TLL2: variants seen among roughly 807,000 people sequenced by gnomAD.
TLL2 encodes the protein tolloid-like protein 2.
TLL2 carries 106 observed loss-of-function variants against 123.0 expected under a neutral mutation model. The ratio of observed to expected loss-of-function variants is 0.86; its 90% CI spans 0.74 to 1.01. TLL2 has a LOEUF of 1.01. TLL2 is among the 50% of genes least tolerant of loss of function. TLL2 has a pLI of 0.00. For synonymous variants in TLL2, 494 were observed against 516.8 expected (o/e 0.96, Z 0.60); for missense variants, 1,332 against 1,336.7 (o/e 1.00, Z 0.06).
At chr10:96,368,320 T>G (rs1196960179) in intron 20 of TLL2, 98 bp from the exon 21 acceptor site, 9 of 1,426,724 alleles carry the variant, frequency 6.3e-6, no homozygotes, top group Middle Eastern at 1.8e-4. Context: ...ACACAGGATG[T>G]GTCTCTGGTA....
At chr10:96,445,167 C>G (rs1380892401) in intron 3 of TLL2, among the ~76,000 whole-genome samples, 1 of 152,058 alleles carries the variant, frequency 6.6e-6, no homozygotes, top group Non-Finnish European at 1.5e-5. Context: ...CCAGCCTGGG[C>G]GACAGAGCGA....
intron 13 of TLL2, among the ~76,000 whole-genome samples, chr10:96,394,164 G>T (rs550765732): frequency 6.6e-6 from 1 of 152,316 alleles, no homozygotes; most frequent in Admixed American, 6.5e-5. Context: ...GGCTCAGCCA[G>T]GAGTCCTAGG....
intron 7 of TLL2, among the ~76,000 whole-genome samples, chr10:96,414,068 T>A (rs1015792525): frequency 2.6e-5 from 4 of 152,148 alleles, no homozygotes; most frequent in African/African-American, 7.2e-5. Context: ...ACAGCTTCAT[T>A]TCTAAACTAG....
rs779831715 is a variant in TLL2, at chr10:96,410,398, G to T, written c.1125C>A (p.Ser375=). 6.2e-7 allele frequency: 1 copy of T among 1,613,896 alleles called. No individual in the cohort carries two copies. The highest frequency in any genetic ancestry group is 8.5e-7 in the Non-Finnish European group (1 of 1,180,010). Residue 375 remains serine (S), a synonymous_variant, in exon 9 of 21, where the codon TCC becomes TCA. Transcript: ENST00000357947. ...TGACCGAGATCCTCCAGACGCAGTGGGAGTAAGATGGGTACCCATTTGGGA... is the reference window on the plus strand; with the variant it reads ...TGACCGAGATCCTCCAGACGCAGTGTGAGTAAGATGGGTACCCATTTGGGA... The part of the protein sequence containing the change: ...PGFPNGYPSY[S]HCVWRISVTP...
intron 1 of TLL2, among the ~76,000 whole-genome samples, chr10:96,482,873 C>T (rs1847324282): frequency 6.6e-6 from 1 of 152,112 alleles, no homozygotes; most frequent in Non-Finnish European, 1.5e-5. Flanking sequence ...AAGAACCAAC[C>T]AAGATGGTAC....
intron 18 of TLL2, among the ~76,000 whole-genome samples, chr10:96,375,107 T>C (rs543347293): frequency 2.2e-4 from 33 of 152,030 alleles, no homozygotes; most frequent in Non-Finnish European, 3.5e-4. Context: ...GGCAAAGCTC[T>C]CCCGCCAGTG....
At chr10:96,445,201 T>G (rs922592794) in intron 3 of TLL2, among the ~76,000 whole-genome samples, 2 of 152,014 alleles carry the variant, frequency 1.3e-5, no homozygotes, top group Non-Finnish European at 2.9e-5. Context: ...AAAAAAAAAT[T>G]TTTCTTTTGC....
chr10:96,426,917 TGTAA>T (rs1030020718), intron 5 of TLL2, among the ~76,000 whole-genome samples: 15 of 152,160 alleles, frequency 9.9e-5, no homozygotes, highest in African/African-American at 3.6e-4. Flanking sequence ...GGTGGTGGGT[TGTAA>T]GTATTTATTT....
At chr10:96,374,384 C>T (rs1846115332) in intron 18 of TLL2, 1 of 158,880 alleles carries the variant, frequency 6.3e-6, no homozygotes, top group Non-Finnish European at 1.4e-5. Flanking sequence ...TGATCTGGTG[C>T]TCTGGCATCA....
intron 16 of TLL2, among the ~76,000 whole-genome samples, chr10:96,382,174 C>A (rs1049413953): frequency 2.6e-5 from 4 of 152,282 alleles, no homozygotes; most frequent in Admixed American, 6.5e-5. Context: ...TGGGACTACA[C>A]ATGCGCCAGC....
At chr10:96,478,305 C>T (rs977172010) in intron 2 of TLL2, among the ~76,000 whole-genome samples, 10 of 152,212 alleles carry the variant, frequency 6.6e-5, no homozygotes, top group Admixed American at 5.2e-4. Context: ...GAGACCCAAA[C>T]CGGGGAGACC....
intron 2 of TLL2, among the ~76,000 whole-genome samples, chr10:96,475,675 T>TC (rs1214268863): frequency 6.6e-6 from 1 of 152,040 alleles, no homozygotes; most frequent in Admixed American, 6.6e-5. Flanking sequence ...TCTGGGCCCT[T>TC]CCCCCCATGT....
At chr10:96,426,791 G>A (rs1846682085) in intron 5 of TLL2, among the ~76,000 whole-genome samples, 1 of 152,094 alleles carries the variant, frequency 6.6e-6, no homozygotes, top group African/African-American at 2.4e-5. Flanking sequence ...TGGTTTATCT[G>A]TTGTTTTCTG....
rs151135897 is a variant in TLL2, at chr10:96,503,490, G to T, written c.175+10021C>A. ...TAAGGGGGGCAGAGGCAGGTTTAAA[G>T]CCATGGGCTGCGTGATACCAAAAAG... On this transcript the variant is annotated intron_variant, in intron 1 of 20. Coordinates refer to ENST00000357947, the MANE Select transcript of TLL2 (RefSeq NM_012465.4). 6.0e-3 allele frequency among the ~76,000 whole-genome samples: 921 copies of T among 152,306 alleles called. 40 individuals carry two copies. Among genetic ancestry groups the T allele is most frequent in the Admixed American group, 0.046 (697 of 15,296 alleles).
At chr10:96,498,635 G>A (rs1847502234) in intron 1 of TLL2, among the ~76,000 whole-genome samples, 1 of 152,210 alleles carries the variant, frequency 6.6e-6, no homozygotes. Flanking sequence ...ATAGCTGTCT[G>A]TGGCCAAGTG....
At chr10:96,499,343 G>C (rs990659874) in intron 1 of TLL2, among the ~76,000 whole-genome samples, 22 of 152,184 alleles carry the variant, frequency 1.4e-4, no homozygotes, top group Non-Finnish European at 2.9e-4. Flanking sequence ...GATGGGTGGA[G>C]GTGGGGGTGG....
At chr10:96,369,464 A>C (rs943471864) in intron 20 of TLL2, among the ~76,000 whole-genome samples, 1 of 152,216 alleles carries the variant, frequency 6.6e-6, no homozygotes, top group African/African-American at 2.4e-5. Flanking sequence ...AGGCCAAATA[A>C]AAATGGAGGA....
At chr10:96,508,516 C>T (rs576001190) in intron 1 of TLL2, among the ~76,000 whole-genome samples, 1 of 152,296 alleles carries the variant, frequency 6.6e-6, no homozygotes, top group African/African-American at 2.4e-5. Flanking sequence ...TAACATGGGA[C>T]CCACAGCTGT....
chr10:96,437,184 C>T (rs980569229), intron 3 of TLL2, among the ~76,000 whole-genome samples: 3 of 152,066 alleles, frequency 2.0e-5, no homozygotes, highest in Admixed American at 6.6e-5. Flanking sequence ...ATTATATTTT[C>T]TGGTATATAA....
Sources: gnomAD v4.1 joint callset for allele counts (sites outside exome capture counted in the v4.1 genomes callset) on GRCh38, gnomAD v4.1.1 for gene constraint, MANE v1.5 for transcripts, NCBI Gene and HGNC (gene_info 2026-07-23, HGNC 2026-07-21) for gene names.